Variants in FCRL2 observed in about 807,000 individuals in gnomAD.
FCRL2 encodes the protein Fc receptor-like protein 2.
FCRL2 carries 48 observed loss-of-function variants against 59.8 expected under a neutral mutation model. The observed-to-expected ratio is 0.80, with a 90% confidence interval of 0.64 to 1.02. The LOEUF is 1.02. Among genes scored for constraint, FCRL2 ranks in the 50% least tolerant of loss-of-function variants. The probability of loss-of-function intolerance (pLI) is 0.00; values close to 1 mark genes in which losing one functional copy is unlikely to be tolerated. For missense variants in FCRL2, 658 were observed against 597.3 expected, an observed-to-expected ratio of 1.10 and a Z score of -1.06; for synonymous variants, 251 against 229.5, an observed-to-expected ratio of 1.09 and a Z score of -0.85.
chr1:157,762,974 T>C (rs1259785204), intron 7 of FCRL2, among the ~76,000 whole-genome samples: 1 of 152,200 alleles, frequency 6.6e-6, no homozygotes, highest in African/African-American at 2.4e-5. Flanking sequence ...AGGACAATAC[T>C]TACCATCATG....
intron 7 of FCRL2, among the ~76,000 whole-genome samples, chr1:157,764,325 T>C (rs998757565): frequency 5.3e-5 from 8 of 152,242 alleles, no homozygotes; most frequent in Admixed American, 3.9e-4. Context: ...AATCATAAAG[T>C]AAATATTGCT....
At chr1:157,769,171 T>C (rs1410294035) in intron 4 of FCRL2, 1 of 156,000 alleles carries the variant, frequency 6.4e-6, no homozygotes, top group Non-Finnish European at 1.4e-5. Context: ...TGATGCTACA[T>C]TGCCTTCTAA....
rs372502982 is a variant in FCRL2, at chr1:157,760,371, C to T, written c.1279+6484G>A. Among the ~76,000 whole-genome samples the T allele has an allele frequency of 3.3e-5, 5 of 151,988 alleles. No homozygotes were observed. The East Asian group carries it at 9.7e-4, about 29-fold the overall frequency. On this transcript the variant is annotated intron_variant, in intron 7 of 11. Coordinates refer to ENST00000361516, the MANE Select transcript of FCRL2 (RefSeq NM_030764.4). ...TGGTGGCTCACTCACTCCTGTAATG[C>T]CAGCACTTTGCGAGGCCGAGGCGGG...
At chr1:157,750,571 G>A (rs573799641) in intron 7 of FCRL2, among the ~76,000 whole-genome samples, 12 of 152,348 alleles carry the variant, frequency 7.9e-5, no homozygotes, top group African/African-American at 2.9e-4. Context: ...AATACTGCTA[G>A]TAGCTCAGCC....
chr1:157,757,509 A>G (rs750763890), intron 7 of FCRL2, among the ~76,000 whole-genome samples: 18 of 152,186 alleles, frequency 1.2e-4, no homozygotes, highest in Non-Finnish European at 2.4e-4. Context: ...AAAGAACAAC[A>G]GAGAATTTGC....
intron 5 of FCRL2, chr1:157,767,799 C>T: frequency 9.8e-7 from 1 of 1,019,178 alleles, no homozygotes; most frequent in East Asian, 2.8e-5. Context: ...TCTTTTGTAT[C>T]CTATAATTTT....
intron 7 of FCRL2, among the ~76,000 whole-genome samples, chr1:157,750,341 G>A (rs969393426): frequency 6.6e-6 from 1 of 152,176 alleles, no homozygotes; most frequent in Non-Finnish European, 1.5e-5. Flanking sequence ...TGTATATAGA[G>A]GCCACCCCAG....
intron 9 of FCRL2, 73 bp from the exon 10 acceptor site, chr1:157,748,691 C>T: frequency 1.5e-6 from 2 of 1,352,110 alleles, no homozygotes; most frequent in Admixed American, 1.7e-5. Flanking sequence ...CTTCCCAGGC[C>T]CTGGCTTAAT....
At chr1:157,766,340 G>A (rs569983145) in intron 7 of FCRL2, among the ~76,000 whole-genome samples, 2 of 152,092 alleles carry the variant, frequency 1.3e-5, no homozygotes, top group East Asian at 1.9e-4. Flanking sequence ...GTGTGGTGGC[G>A]GGCGCCTGTA....
Position 157,760,695 on chromosome 1 carries a change from GAAGGAAA to G in FCRL2, c.1279+6153_1279+6159del, listed in dbSNP as rs1557860345. ...GGAAGGAAGGAAAGAAAGAAAGAAAGAAGGAAAGAAAGAAAGAAAGAAAGAAAGAAAG... is the reference window on the plus strand; with the variant it reads ...GGAAGGAAGGAAAGAAAGAAAGAAAGGAAAGAAAGAAAGAAAGAAAGAAAG... On this transcript the variant is annotated intron_variant, in intron 7 of 11. Transcript: ENST00000361516. Among the ~76,000 whole-genome samples the G allele has an allele frequency of 8.3e-3, 1,014 of 121,868 alleles. 24 individuals carry two copies. Among genetic ancestry groups the G allele is most frequent in the African/African-American group, 0.032 (940 of 29,466 alleles). The allele number at this position is 121,868 out of a possible 152,430, so 80.0% of individuals were successfully genotyped here. A position where few individuals can be genotyped will look rare whatever the true frequency, so the allele number is the denominator to read the frequency against.
chr1:157,762,469 C>T (rs148933265), intron 7 of FCRL2, among the ~76,000 whole-genome samples: 34 of 152,234 alleles, frequency 2.2e-4, no homozygotes, highest in Admixed American at 5.9e-4. Flanking sequence ...GAAAAGTATT[C>T]GAATTATTGG....
Position 157,746,541 on chromosome 1 carries a change from T to G in FCRL2, c.*195A>C. 5.0e-6 allele frequency: 3 copies of G among 603,314 alleles called. No homozygotes were observed. Among genetic ancestry groups the G allele is most frequent in the Non-Finnish European group, 5.9e-6 (2 of 337,656 alleles). 37.4% of individuals were successfully genotyped at this position (603,314 alleles called of 1,614,324 possible). The stretch of plus-strand genomic sequence containing the variant: ...GCACAGTGTCTGGATGTAGCAGCAG[T>G]TCAATGAATATTGATAGGTAAAAGA... On this transcript the variant is annotated 3_prime_UTR_variant, in exon 12 of 12. Transcript: ENST00000361516.
chr1:157,763,761 T>C (rs2101720738), intron 7 of FCRL2, among the ~76,000 whole-genome samples: 1 of 152,224 alleles, frequency 6.6e-6, no homozygotes, highest in Non-Finnish European at 1.5e-5. Context: ...CTGGGCACGG[T>C]GGCTCATGCC....
At chr1:157,764,887 C>G (rs547246037) in intron 7 of FCRL2, among the ~76,000 whole-genome samples, 14 of 152,146 alleles carry the variant, frequency 9.2e-5, no homozygotes, top group Admixed American at 2.6e-4. Flanking sequence ...TTCAAATTAG[C>G]AATCTAATGA....
intron 7 of FCRL2, among the ~76,000 whole-genome samples, chr1:157,765,007 T>C (rs1649388254): frequency 1.3e-5 from 2 of 151,764 alleles, no homozygotes; most frequent in African/African-American, 4.8e-5. Context: ...CTAAAAAAAA[T>C]ACAAAGGATC....
intron 2 of FCRL2, among the ~76,000 whole-genome samples, chr1:157,772,645 A>G (rs1476944691): frequency 2.6e-5 from 4 of 152,216 alleles, no homozygotes; most frequent in Non-Finnish European, 1.5e-5. Flanking sequence ...ACTGTTTTGA[A>G]TCCAAGTCTA....
chr1:157,771,608 A>G (rs995926783), intron 2 of FCRL2, among the ~76,000 whole-genome samples: 1 of 152,206 alleles, frequency 6.6e-6, no homozygotes, highest in Non-Finnish European at 1.5e-5. Context: ...CTATTGCCAA[A>G]GACAAATGTC....
At chr1:157,769,573 G>GC (rs1304910619) in intron 4 of FCRL2, 2 of 247,698 alleles carry the variant, frequency 8.1e-6, no homozygotes, top group Non-Finnish European at 1.6e-5. Flanking sequence ...GACTACAGGC[G>GC]CCCCCCACCA....
rs1649597467 is a variant in FCRL2, at chr1:157,767,468, C to T, written c.925G>A (p.Ala309Thr). 1 of 1,614,232 alleles carries T rather than the reference C, an allele frequency of 6.2e-7. No homozygotes were observed. Among genetic ancestry groups the T allele is most frequent in the African/African-American group, 1.3e-5 (1 of 75,068 alleles). Residue 309 changes from alanine to threonine, a missense_variant, in exon 6 of 12, where the codon GCC becomes ACC. Coordinates refer to ENST00000361516, the MANE Select transcript of FCRL2 (RefSeq NM_030764.4). ...AGCAGGTCCCCCACTGCAGCCTGGGCCCCAGGAGACCTGAGGGTGAGGACA... is the reference window on the plus strand; with the variant it reads ...AGCAGGTCCCCCACTGCAGCCTGGGTCCCAGGAGACCTGAGGGTGAGGACA... The part of the protein sequence containing the change: ...RPVLTLRSPG[A>T]QAAVGDLLEL...
Sources: gnomAD v4.1 joint callset for allele counts (sites outside exome capture counted in the v4.1 genomes callset) on GRCh38, gnomAD v4.1.1 for gene constraint, MANE v1.5 for transcripts, NCBI Gene and HGNC (gene_info 2026-07-23, HGNC 2026-07-21) for gene names.